Variants in FCSK observed in about 807,000 individuals in gnomAD.
FCSK encodes fucose kinase, also known as L-fucose kinase.
In FCSK, 123 loss-of-function variants were observed where a neutral mutation model predicts 122.5. The ratio of observed to expected loss-of-function variants is 1.00; its 90% CI spans 0.87 to 1.17. The LOEUF (loss-of-function observed/expected upper bound fraction) is 1.17. Ranked by LOEUF, FCSK falls within the 50% of genes most tolerant of loss-of-function variation. The probability of loss-of-function intolerance (pLI) is 0.00; values close to 1 mark genes in which losing one functional copy is unlikely to be tolerated. For synonymous variants in FCSK, 620 were observed against 625.5 expected (o/e 0.99, Z 0.13); for missense variants, 1,366 against 1,450.4 (o/e 0.94, Z 0.95).
chr16:70,477,178 ATTTT>A (rs1332110446), intron 20 of FCSK, among the ~76,000 whole-genome samples: 1 of 152,084 alleles, frequency 6.6e-6, no homozygotes, highest in Non-Finnish European at 1.5e-5. Flanking sequence ...AAGTTTTGTT[ATTTT>A]TAATTTTTTT....
chr16:70,468,963 G>A lies in FCSK; in HGVS notation c.778G>A (p.Val260Ile). Reference protein sequence around the residue: ...YLGLDSGARPVQLSLFFDILH... With the variant: ...YLGLDSGARPIQLSLFFDILH... ...AGGCTTGGACTCCGGAGCCCGGCCT[G>A]TCCAGGTGACTGGGGGAGGGCAGCT... is the stretch of plus-strand genomic sequence containing the variant. The change falls in exon 9 of 24, where the codon GTC (valine) becomes ATC (isoleucine). Residue 260 changes from valine to isoleucine, a missense_variant. Transcript: ENST00000288078. 6.2e-7 allele frequency: 1 copy of A among 1,613,156 alleles called. No individual in the cohort carries two copies. Among genetic ancestry groups the A allele is most frequent in the Non-Finnish European group, 8.5e-7 (1 of 1,179,994 alleles).
intron 4 of FCSK, 148 bp from the exon 5 acceptor site, chr16:70,465,984 T>C (rs1248866101): frequency 1.2e-6 from 1 of 829,256 alleles, no homozygotes; most frequent in Non-Finnish European, 1.9e-6. Context: ...TGCAATGCAA[T>C]GCATAATATA....
intron 20 of FCSK, 165 bp downstream of exon 20, chr16:70,475,932 T>G (rs1264898595): frequency 1.4e-6 from 1 of 703,712 alleles, no homozygotes. Flanking sequence ...TCTGGTCGTT[T>G]TCAACCTGAA....
intron 7 of FCSK, 103 bp downstream of exon 7, chr16:70,467,574 GC>G: frequency 1.1e-6 from 1 of 902,764 alleles, no homozygotes; most frequent in Non-Finnish European, 1.7e-6. Flanking sequence ...GGATTTCCTC[GC>G]ATGTTCCTGA....
At chr16:70,455,502 A>AACC (rs914837484) in intron 1 of FCSK, among the ~76,000 whole-genome samples, 4 of 117,712 alleles carry the variant, frequency 3.4e-5, no homozygotes, top group African/African-American at 9.0e-5. Context: ...AAACAAAACA[A>AACC]ACCAACAACA....
chr16:70,471,048 C>G lies in FCSK; in HGVS notation c.1146C>G (p.Ser382Arg), dbSNP rs776919847. Residue 382 changes from serine (S) to arginine (R), a missense_variant, in exon 12 of 24, where the codon AGC becomes AGG. Physicochemically the swap from Ser to Arg is moderately radical, Grantham distance 110. Transcript: ENST00000288078. Reference sequence around the variant, plus strand: ...GCCCTGTCCAGCTGGGTCCTGGGAGCGTCCTGCAGCACTGCCACCTGCAGG... The same window carrying G: ...GCCCTGTCCAGCTGGGTCCTGGGAGGGTCCTGCAGCACTGCCACCTGCAGG... ...LEGPVQLGPG[S>R]VLQHCHLQGP... is the part of the protein sequence containing the mutation. 1.2e-6 allele frequency: 2 copies of G among 1,602,224 alleles called. No homozygotes were observed. Among genetic ancestry groups the G allele is most frequent in the Non-Finnish European group, 1.7e-6 (2 of 1,176,710 alleles).
intron 1 of FCSK, among the ~76,000 whole-genome samples, chr16:70,456,697 A>G (rs1450212089): frequency 6.6e-6 from 1 of 152,148 alleles, no homozygotes; most frequent in Non-Finnish European, 1.5e-5. Flanking sequence ...TTTGGCCTTA[A>G]ATTTCAGATT....
chr16:70,459,793 C>A (rs2048205618), intron 1 of FCSK, among the ~76,000 whole-genome samples: 1 of 147,530 alleles, frequency 6.8e-6, no homozygotes, highest in African/African-American at 2.7e-5. Flanking sequence ...CCACACCCAG[C>A]AGTTTCTTCA....
intron 20 of FCSK, among the ~76,000 whole-genome samples, chr16:70,477,092 CTGTCT>C (rs1205682180): frequency 1.8e-4 from 28 of 152,238 alleles, no homozygotes; most frequent in Admixed American, 1.6e-3. Flanking sequence ...CAGATGGCTT[CTGTCT>C]TTTGCATTTC....
In FCSK at chr16:70,471,281, G is replaced by A; in HGVS notation, c.1270G>A (p.Gly424Arg). 1 of 1,608,568 alleles carries A rather than the reference G, an allele frequency of 6.2e-7. No homozygotes were observed. Among genetic ancestry groups the A allele is most frequent in the South Asian group, 1.1e-5 (1 of 90,178 alleles). ...GRELRDLVLQ[G>R]HHTRLHGSPG... ...GGAGCTGCGTGACCTTGTCCTGCAG[G>A]GACACCACACGCGGCTACACGGCTC... The change falls in exon 13 of 24, where the codon GGA becomes AGA. Residue 424 changes from glycine to arginine, a missense_variant. Physicochemically the swap from Gly to Arg is moderately radical, Grantham distance 125 (BLOSUM62 -2). Coordinates refer to ENST00000288078, the MANE Select transcript of FCSK (RefSeq NM_145059.3).
In FCSK at chr16:70,472,990, G is replaced by A. The variant is rs772891487; in HGVS notation, c.1414G>A (p.Asp472Asn). The part of the protein sequence containing the change: ...FFKRTGVRAW[D>N]LWDPETLPAE... ...GCCTTCTCCCCACATCAGAGCCTGGGACCTGTGGGACCCTGAGACGCTGCC... is the reference window on the plus strand; with the variant it reads ...GCCTTCTCCCCACATCAGAGCCTGGAACCTGTGGGACCCTGAGACGCTGCC... Residue 472 changes from aspartate to asparagine, a missense_variant, in exon 15 of 24, where the codon GAC becomes AAC. Asp to Asn is a conservative substitution (Grantham distance 23, BLOSUM62 1). Coordinates refer to ENST00000288078, the MANE Select transcript of FCSK (RefSeq NM_145059.3). 1.9e-5 allele frequency: 31 copies of A among 1,602,488 alleles called. No homozygotes were observed. In the African/African-American group the frequency reaches 3.2e-4, roughly 17 times the overall value.
At chr16:70,460,104 CT>C (rs564125150) in intron 1 of FCSK, among the ~76,000 whole-genome samples, 247 of 126,474 alleles carry the variant, frequency 2.0e-3, no homozygotes, top group Middle Eastern at 8.6e-3. Context: ...CGTCTAGCCT[CT>C]TTTTTTTTTT....
At chr16:70,454,960 C>T (rs1007173672) in intron 1 of FCSK, 1 of 152,222 alleles carries the variant, frequency 6.6e-6, no homozygotes, top group African/African-American at 2.4e-5. Context: ...TGGATGCCGG[C>T]GCTGCTCTGA....
In FCSK at chr16:70,470,280, C is replaced by T. The variant is rs764093834; in HGVS notation, c.956-34C>T. ...AGCCTGGCCCCTGAGTCGCAGCAGG[C>T]ATGGGGTTGGGTTCAGTACTTATGT... is the stretch of plus-strand genomic sequence containing the variant. On this transcript the variant is annotated intron_variant, in intron 10 of 23. Transcript: ENST00000288078. 4 of 1,461,350 alleles carry T rather than the reference C, an allele frequency of 2.7e-6. No individual in the cohort carries two copies. The South Asian group carries it at 3.5e-5, about 13-fold the overall frequency. 90.5% of individuals were successfully genotyped at this position (1,461,350 alleles called of 1,614,324 possible).
rs762940591 is a variant in FCSK at position 70,474,545 on chromosome 16, G to A, written c.2006G>A (p.Arg669Gln). The A allele has an allele frequency of 4.8e-5, 75 of 1,548,224 alleles. No individual in the cohort carries two copies. Among genetic ancestry groups the A allele is most frequent in the Middle Eastern group, 3.6e-4 (2 of 5,582 alleles). Residue 669 changes from arginine (R) to glutamine (Q), a missense_variant, in exon 17 of 24, where the codon CGA becomes CAA. Physicochemically the swap from Arg to Gln is conservative, Grantham distance 43 (BLOSUM62 1). Coordinates refer to ENST00000288078, the MANE Select transcript of FCSK (RefSeq NM_145059.3). The part of the protein sequence containing the change: ...KWLSRPALLV[R>Q]AARHYEGAGQ... ...CTTGGCAGGCCAGCCTTGCTGGTGC[G>A]AGCGGCCCGCCACTATGAGGGGGCT...
At chr16:70,468,751 C>T in intron 8 of FCSK, 98 bp from the exon 9 acceptor site, 1 of 1,482,204 alleles carries the variant, frequency 6.7e-7, no homozygotes, top group Non-Finnish European at 9.3e-7. Flanking sequence ...TGGTATGGCA[C>T]TCAGCTTCAT....
intron 1 of FCSK, among the ~76,000 whole-genome samples, chr16:70,461,356 C>G (rs1251991331): frequency 1.3e-5 from 2 of 151,226 alleles, no homozygotes; most frequent in East Asian, 3.9e-4. Flanking sequence ...GGAGCCCTGC[C>G]AGAGGTGAAT....
intron 1 of FCSK, chr16:70,458,087 A>G (rs1317903559): frequency 6.6e-6 from 1 of 151,756 alleles, no homozygotes; most frequent in Non-Finnish European, 1.5e-5. Flanking sequence ...TAAAAAAAAA[A>G]AATCACAGCA....
At chr16:70,461,744 C>G (rs2048272551) in intron 1 of FCSK, among the ~76,000 whole-genome samples, 1 of 152,166 alleles carries the variant, frequency 6.6e-6, no homozygotes. Context: ...TTGGGTGGCC[C>G]CAACTCTTAC....
Sources: allele counts gnomAD v4.1 joint callset (sites outside exome capture counted in the v4.1 genomes callset), GRCh38; gene constraint gnomAD v4.1.1; transcripts MANE v1.5; gene names NCBI Gene and HGNC (gene_info 2026-07-23, HGNC 2026-07-21).